The following LRRTM4 variants were observed in gnomAD, a reference collection of about 807,000 sequenced individuals.
LRRTM4 encodes leucine rich repeat transmembrane neuronal 4, also known as leucine-rich repeat transmembrane neuronal protein 4.
In LRRTM4, 25 loss-of-function variants were observed where a neutral mutation model predicts 47.6. The ratio of observed to expected loss-of-function variants is 0.53; its 90% CI spans 0.38 to 0.73. The LOEUF (loss-of-function observed/expected upper bound fraction) is 0.73. Ranked by LOEUF, LRRTM4 falls within the 30% of genes least tolerant of loss-of-function variation. The pLI, the probability that LRRTM4 is intolerant of heterozygous loss-of-function variation, is 0.00. For synonymous variants in LRRTM4, 311 were observed against 269.5 expected, an observed-to-expected ratio of 1.15 and a Z score of -1.51; for missense variants, 638 against 713.4, an observed-to-expected ratio of 0.89 and a Z score of 1.20.
intron 3 of LRRTM4, among the ~76,000 whole-genome samples, chr2:77,506,750 C>T (rs778238839): frequency 1.5e-4 from 23 of 151,850 alleles, no homozygotes; most frequent in Non-Finnish European, 3.1e-4. Flanking sequence ...AATCTATCAA[C>T]ATGATGAGGT....
chr2:76,781,121 C>T (rs1288329872), intron 3 of LRRTM4, among the ~76,000 whole-genome samples: 2 of 152,264 alleles, frequency 1.3e-5, no homozygotes, highest in African/African-American at 4.8e-5. Context: ...CTCAGATCTC[C>T]AGCTGCATGC....
At chr2:76,837,169 A>G (rs771014289) in intron 3 of LRRTM4, among the ~76,000 whole-genome samples, 16 of 152,238 alleles carry the variant, frequency 1.1e-4, no homozygotes, top group African/African-American at 2.2e-4. Context: ...GTTTATTTGC[A>G]TAGAGGTGTT....
chr2:77,291,940 T>C (rs934469349), intron 3 of LRRTM4, among the ~76,000 whole-genome samples: 28 of 151,940 alleles, frequency 1.8e-4, no homozygotes, highest in Non-Finnish European at 7.4e-5. Flanking sequence ...TTTCGCAATC[T>C]ACTCATCTGA....
chr2:77,063,122 T>C (rs945327487), intron 3 of LRRTM4, among the ~76,000 whole-genome samples: 16 of 135,744 alleles, frequency 1.2e-4, no homozygotes, highest in South Asian at 8.5e-4. Context: ...GCCCAGCTAA[T>C]CTTTGTATTT....
intron 3 of LRRTM4, among the ~76,000 whole-genome samples, chr2:76,765,158 C>A (rs1673407557): frequency 6.6e-6 from 1 of 152,308 alleles, no homozygotes; most frequent in Non-Finnish European, 1.5e-5. Flanking sequence ...TCCTTTCTTT[C>A]ATTTCTCTCT....
intron 3 of LRRTM4, among the ~76,000 whole-genome samples, chr2:77,380,202 A>C (rs1672997276): frequency 6.6e-6 from 1 of 152,162 alleles, no homozygotes. Flanking sequence ...TTGCATATTA[A>C]ATTTTCAAAG....
chr2:77,434,563 T>C (rs1414148138), intron 3 of LRRTM4, among the ~76,000 whole-genome samples: 1 of 152,154 alleles, frequency 6.6e-6, no homozygotes, highest in Non-Finnish European at 1.5e-5. Flanking sequence ...AAAAGTTACA[T>C]ATTTTACACA....
At chr2:77,341,790 A>G (rs1010364608) in intron 3 of LRRTM4, among the ~76,000 whole-genome samples, 1 of 151,996 alleles carries the variant, frequency 6.6e-6, no homozygotes, top group Admixed American at 6.6e-5. Context: ...GGAGTTTCTC[A>G]ATTTGGGTAA....
rs764553482 is a variant in LRRTM4, at chr2:77,255,059, T to C, written c.1551+263259A>G. On this transcript the variant is annotated intron_variant, in intron 3 of 3. Coordinates refer to ENST00000409884, the MANE Select transcript of LRRTM4 (RefSeq NM_001134745.3). ...TATGAGAAACTCACTTAAAATATGA[T>C]GATATATGTGGTTTAAAAGTAAAAG... Among the ~76,000 whole-genome samples the C allele has an allele frequency of 1.0e-3, 158 of 151,968 alleles. 1 individual carries two copies. The highest frequency in any genetic ancestry group is 3.4e-4 in the Non-Finnish European group (23 of 67,890).
At chr2:77,315,911 T>C (rs73941203) in intron 3 of LRRTM4, among the ~76,000 whole-genome samples, 1,921 of 152,300 alleles carry the variant, frequency 0.013, 38 homozygotes, top group African/African-American at 0.043. Flanking sequence ...GCCATGAAGA[T>C]ATAAGAGCAT....
chr2:76,967,017 T>C lies in LRRTM4; in HGVS notation c.1552-218101A>G, dbSNP rs534266963. On this transcript the variant is annotated intron_variant, in intron 3 of 3. Transcript: ENST00000409884. ...GCTTTTAAAACTGCCAAATCACCTATCAAATAAATAAATTTGTACTTAATC... is the reference window on the plus strand; with the variant it reads ...GCTTTTAAAACTGCCAAATCACCTACCAAATAAATAAATTTGTACTTAATC... 1.2e-4 allele frequency among the ~76,000 whole-genome samples: 18 copies of C among 151,680 alleles called. No homozygotes were observed. The East Asian group carries it at 3.1e-3, about 26-fold the overall frequency.
intron 3 of LRRTM4, chr2:76,990,072 G>A (rs1676949254): frequency 6.6e-6 from 1 of 151,646 alleles, no homozygotes; most frequent in African/African-American, 2.4e-5. Flanking sequence ...TTCTTTCTGG[G>A]TAAATCTAGA....
rs1243783226 is a variant in LRRTM4 at position 77,454,403 on chromosome 2, G to T, written c.1551+63915C>A. 2.0e-5 allele frequency among the ~76,000 whole-genome samples: 3 copies of T among 152,224 alleles called. No homozygotes were observed. The South Asian group carries it at 6.2e-4, about 32-fold the overall frequency. On this transcript the variant is annotated intron_variant, in intron 3 of 3. Transcript: ENST00000409884. Reference sequence around the variant, plus strand: ...ATTCTACATAACAATGGTTGTTAGTGACTTTTCTTTACCGCATTTCTTATA... The same window carrying T: ...ATTCTACATAACAATGGTTGTTAGTTACTTTTCTTTACCGCATTTCTTATA...
chr2:77,077,883 T>A (rs1042166828), intron 3 of LRRTM4, among the ~76,000 whole-genome samples: 3 of 152,146 alleles, frequency 2.0e-5, no homozygotes, highest in Admixed American at 1.3e-4. Flanking sequence ...AATTAGCACA[T>A]GTCAAATAAT....
At chr2:77,457,048 ATATGTAT>A (rs1676588944) in intron 3 of LRRTM4, among the ~76,000 whole-genome samples, 13 of 14,642 alleles carry the variant, frequency 8.9e-4, no homozygotes, top group East Asian at 5.7e-3. Context: ...ATATATATAT[ATATGTAT>A]AACCTGGAAC....
intron 3 of LRRTM4, among the ~76,000 whole-genome samples, chr2:76,769,584 G>C (rs987531943): frequency 2.6e-5 from 4 of 151,800 alleles, no homozygotes; most frequent in African/African-American, 9.7e-5. Flanking sequence ...CCTATGCTAA[G>C]TGTGTCCAAT....
At chr2:76,974,877 T>G (rs1343041255) in intron 3 of LRRTM4, among the ~76,000 whole-genome samples, 1 of 151,776 alleles carries the variant, frequency 6.6e-6, no homozygotes, top group Non-Finnish European at 1.5e-5. Flanking sequence ...GGAGAAATAA[T>G]TATGCACAAC....
intron 3 of LRRTM4, among the ~76,000 whole-genome samples, chr2:77,119,188 C>T (rs568839743): frequency 6.6e-6 from 1 of 151,778 alleles, no homozygotes; most frequent in South Asian, 2.1e-4. Flanking sequence ...GTATACCTAC[C>T]ACCCCCATCC....
chr2:77,247,354 T>C (rs1008770255), intron 3 of LRRTM4, among the ~76,000 whole-genome samples: 5 of 152,090 alleles, frequency 3.3e-5, no homozygotes, highest in African/African-American at 1.2e-4. Flanking sequence ...TGTAGGTGAA[T>C]TGAAGGATCA....
Sources: gnomAD v4.1 joint callset for allele counts (sites outside exome capture counted in the v4.1 genomes callset) on GRCh38, gnomAD v4.1.1 for gene constraint, MANE v1.5 for transcripts, NCBI Gene and HGNC (gene_info 2026-07-23, HGNC 2026-07-21) for gene names.